Variants in MET observed in about 807,000 individuals in gnomAD.
MET encodes MET proto-oncogene, receptor tyrosine kinase.
Under a neutral mutation model 133.1 loss-of-function variants are expected in MET, and 48 were observed. That is an observed-to-expected ratio of 0.36 (90% CI 0.29 to 0.46). MET has a LOEUF of 0.46. Among genes scored for constraint, MET ranks in the 20% least tolerant of loss-of-function variants. The pLI is 1.00. For missense variants in MET, 1,442 were observed against 1,695.9 expected (o/e 0.85, Z 2.63); for synonymous variants, 628 against 616.5 (o/e 1.02, Z -0.28).
intron 2 of MET, among the ~76,000 whole-genome samples, chr7:116,710,086 A>T (rs1210329889): frequency 3.9e-5 from 6 of 152,194 alleles, no homozygotes; most frequent in Non-Finnish European, 8.8e-5. Context: ...CACCAATTAC[A>T]TTGGGTTTAT....
At chr7:116,746,610 A>G (rs1436772987) in intron 5 of MET, among the ~76,000 whole-genome samples, 1 of 152,202 alleles carries the variant, frequency 6.6e-6, no homozygotes, top group Non-Finnish European at 1.5e-5. Context: ...ATAAAAAAGG[A>G]TGAGTTCATG....
chr7:116,704,763 C>T (rs995119569), intron 2 of MET, among the ~76,000 whole-genome samples: 1 of 152,070 alleles, frequency 6.6e-6, no homozygotes, highest in Admixed American at 6.6e-5. Flanking sequence ...AATTGTTCTC[C>T]TTCCTCTCAC....
intron 2 of MET, among the ~76,000 whole-genome samples, chr7:116,726,298 A>C (rs1247437750): frequency 6.7e-6 from 1 of 149,482 alleles, no homozygotes; most frequent in Non-Finnish European, 1.5e-5. Flanking sequence ...AAGTGGGTAA[A>C]CAACAATTGT....
In MET at chr7:116,779,986, C is replaced by T. The variant is rs78112475; in HGVS notation, c.3522+1029C>T. ...TGTATGCATATATATGTACACACAC[C>T]CTCATCCCATTAGAATGGAAGCTCA... On this transcript the variant is annotated intron_variant, in intron 17 of 20. Coordinates refer to ENST00000397752, the MANE Select transcript of MET (RefSeq NM_000245.4). Among the ~76,000 whole-genome samples the T allele has an allele frequency of 8.9e-3, 1,359 of 152,128 alleles. 6 individuals carry two copies. Among genetic ancestry groups the T allele is most frequent in the Middle Eastern group, 0.017 (5 of 294 alleles).
chr7:116,783,553 T>A (rs987720028), intron 19 of MET, 84 bp downstream of exon 19: 3 of 1,465,646 alleles, frequency 2.0e-6, no homozygotes, highest in Non-Finnish European at 2.8e-6. Context: ...CTTAATTTTT[T>A]AAAAAAATTC....
At chr7:116,689,750 G>A (rs1302088589) in intron 1 of MET, among the ~76,000 whole-genome samples, 1 of 151,594 alleles carries the variant, frequency 6.6e-6, no homozygotes, top group Non-Finnish European at 1.5e-5. Flanking sequence ...TTTATTTTTT[G>A]TAGAGATGGG....
At position 116,741,132 on chromosome 7, in the gene MET, T is replaced by C. The variant is rs760784337; in HGVS notation, c.1701+107T>C. On this transcript the variant is annotated intron_variant, in intron 5 of 20. Transcript: ENST00000397752. ...TTTTTTTAGATACAAATCCCACTAATGAAAAAAATTTAAAAATCAATTTAC... is the reference window on the plus strand; with the variant it reads ...TTTTTTTAGATACAAATCCCACTAACGAAAAAAATTTAAAAATCAATTTAC... 117 of 1,286,612 alleles carry C rather than the reference T, an allele frequency of 9.1e-5. 1 individual carries two copies. In the African/African-American group the frequency reaches 1.8e-3, roughly 19 times the overall value. The allele number at this position is 1,286,612 out of a possible 1,614,324, so 79.7% of individuals were successfully genotyped here. A position where few individuals can be genotyped will look rare whatever the true frequency, so the allele number is the denominator to read the frequency against.
chr7:116,716,164 A>T (rs1215069290), intron 2 of MET, among the ~76,000 whole-genome samples: 6 of 151,790 alleles, frequency 4.0e-5, no homozygotes, highest in Non-Finnish European at 7.4e-5. Context: ...AGGAGGGAGG[A>T]TCTCTTGAGC....
chr7:116,750,031 T>C (rs1221781601), intron 5 of MET, among the ~76,000 whole-genome samples: 4 of 152,210 alleles, frequency 2.6e-5, no homozygotes, highest in African/African-American at 9.6e-5. Flanking sequence ...CATTCAATGC[T>C]ATCCCCATAA....
Position 116,752,136 on chromosome 7 carries a change from A to G in MET, c.1702-3219A>G, listed in dbSNP as rs569935290. ...GAACTATTCATTGATCAGAATACTC[A>G]GAAAAGCAGTATTATATAGGGATAG... On this transcript the variant is annotated intron_variant, in intron 5 of 20. Transcript: ENST00000397752. Among the ~76,000 whole-genome samples the G allele has an allele frequency of 4.0e-4, 61 of 152,330 alleles. 1 individual carries two copies. Among genetic ancestry groups the G allele is most frequent in the African/African-American group, 1.4e-3 (60 of 41,582 alleles).
At chr7:116,781,383 G>A (rs992612842) in intron 17 of MET, among the ~76,000 whole-genome samples, 7 of 152,026 alleles carry the variant, frequency 4.6e-5, no homozygotes, top group Non-Finnish European at 7.4e-5. Context: ...CATCATACCT[G>A]GAAAATAATA....
intron 11 of MET, among the ~76,000 whole-genome samples, chr7:116,768,150 G>T (rs772628248): frequency 2.0e-5 from 3 of 151,898 alleles, no homozygotes; most frequent in Non-Finnish European, 4.4e-5. Flanking sequence ...TTTTAGAGAA[G>T]CCTTTATGCA....
At chr7:116,723,768 G>A (rs1218108482) in intron 2 of MET, among the ~76,000 whole-genome samples, 1 of 151,310 alleles carries the variant, frequency 6.6e-6, no homozygotes. Flanking sequence ...TGCCCCTGCT[G>A]GGGGGTGCCT....
chr7:116,767,969 T>TAC (rs1794685743), intron 11 of MET, among the ~76,000 whole-genome samples: 1 of 124,778 alleles, frequency 8.0e-6, no homozygotes. Context: ...TGCATATATA[T>TAC]ATATATGTGT....
chr7:116,740,009 T>C lies in MET; in HGVS notation c.1452T>C (p.His484=). 1 of 1,614,180 alleles carries C rather than the reference T, an allele frequency of 6.2e-7. No homozygotes were observed. The highest frequency in any genetic ancestry group is 1.1e-5 in the South Asian group (1 of 91,078). The change falls in exon 4 of 21, where the codon CAT becomes CAC. Residue 484 remains histidine (H), a synonymous_variant. Coordinates refer to ENST00000397752, the MANE Select transcript of MET (RefSeq NM_000245.4). ...TPHVNFLLDS[H]PVSPEVIVEH... ...ATGTGAATTTTCTCCTGGACTCCCA[T>C]CCAGTGTCTCCAGAAGTGATTGTGG...
At chr7:116,700,354 G>A in intron 2 of MET, 70 bp downstream of exon 2, 3 of 1,517,572 alleles carry the variant, frequency 2.0e-6, no homozygotes, top group Non-Finnish European at 2.6e-6. Flanking sequence ...GTCTCAAAAA[G>A]AATATCCAGG....
chr7:116,695,287 G>C (rs1162136618), intron 1 of MET, among the ~76,000 whole-genome samples: 1 of 152,106 alleles, frequency 6.6e-6, no homozygotes, highest in African/African-American at 2.4e-5. Flanking sequence ...TTGCCCTCTA[G>C]TACAACAAAT....
rs1247750099 is a variant in MET at position 116,699,434 on chromosome 7, A to T, written c.350A>T (p.Asn117Ile). 1.2e-6 allele frequency: 2 copies of T among 1,613,928 alleles called. No homozygotes were observed. Among genetic ancestry groups the T allele is most frequent in the East Asian group, 4.5e-5 (2 of 44,894 alleles). The change falls in exon 2 of 21, where the codon AAC becomes ATC. Residue 117 changes from asparagine to isoleucine, a missense_variant. By Grantham distance (149) the Asn-to-Ile change is moderately radical (BLOSUM62 -3). This residue lies in a region of MET where 762 missense variants were observed against 792.4 expected (regional missense o/e 0.96). Coordinates refer to ENST00000397752, the MANE Select transcript of MET (RefSeq NM_000245.4). ...GGAGGTGTTTGGAAAGATAACATCA[A>T]CATGGCTCTAGTTGTCGACACCTAC... is the stretch of plus-strand genomic sequence containing the variant. Reference protein sequence around the residue: ...LSGGVWKDNINMALVVDTYYD... With the variant: ...LSGGVWKDNIIMALVVDTYYD...
intron 17 of MET, among the ~76,000 whole-genome samples, chr7:116,779,510 A>G (rs2117051466): frequency 6.6e-6 from 1 of 152,304 alleles, no homozygotes; most frequent in East Asian, 1.9e-4. Context: ...TAATCTGTTT[A>G]AAATTGCAAC....
Sources: gnomAD v4.1 joint callset for allele counts (sites outside exome capture counted in the v4.1 genomes callset) on GRCh38, gnomAD v4.1.1 for gene constraint, gnomAD v4.1.1 regional missense constraint, MANE v1.5 for transcripts, NCBI Gene and HGNC (gene_info 2026-07-23, HGNC 2026-07-21) for gene names.